SHLD1: variants seen among roughly 807,000 people sequenced by gnomAD.
The protein encoded by SHLD1 is RINN1-REV7-interacting novel NHEJ regulator 3.
In SHLD1, 3 loss-of-function variants were observed where a neutral mutation model predicts 5.5. The observed-to-expected ratio is 0.54, with a 90% confidence interval of 0.25 to 1.40. The LOEUF (loss-of-function observed/expected upper bound fraction) is 1.40. Ranked by LOEUF, SHLD1 falls within the 40% of genes most tolerant of loss-of-function variation. The pLI is 0.15. For missense variants in SHLD1, 210 were observed against 244.4 expected (o/e 0.86, Z 0.94); for synonymous variants, 92 against 94.3 (o/e 0.98, Z 0.14).
At chr20:5,765,745 TA>T (rs1304312514) in intron 1 of SHLD1, among the ~76,000 whole-genome samples, 1 of 147,306 alleles carries the variant, frequency 6.8e-6, no homozygotes, top group African/African-American at 2.5e-5. Context: ...GAGTCCCAAA[TA>T]ATGTATTTTA....
intron 2 of SHLD1, among the ~76,000 whole-genome samples, chr20:5,797,634 A>C (rs1241519068): frequency 6.6e-6 from 1 of 152,230 alleles, no homozygotes; most frequent in Non-Finnish European, 1.5e-5. Context: ...CTACTTACTT[A>C]CTAGACACAG....
chr20:5,756,521 T>C (rs1207110240), intron 1 of SHLD1, among the ~76,000 whole-genome samples: 1 of 152,124 alleles, frequency 6.6e-6, no homozygotes, highest in Non-Finnish European at 1.5e-5. Flanking sequence ...TCTATGCCAT[T>C]GTAAATGGAA....
At chr20:5,828,015 C>T (rs940456525) in intron 2 of SHLD1, among the ~76,000 whole-genome samples, 2 of 152,164 alleles carry the variant, frequency 1.3e-5, no homozygotes, top group African/African-American at 4.8e-5. Context: ...TGCAAAGATA[C>T]GATGAATATC....
intron 2 of SHLD1, among the ~76,000 whole-genome samples, chr20:5,782,852 T>TA (rs1036811031): frequency 8.6e-4 from 131 of 152,322 alleles, no homozygotes; most frequent in African/African-American, 2.8e-3. Context: ...AGCTCTTAGA[T>TA]AAAAAAACTC....
At chr20:5,836,085 A>G (rs2087785827) in intron 2 of SHLD1, among the ~76,000 whole-genome samples, 1 of 151,428 alleles carries the variant, frequency 6.6e-6, no homozygotes, top group South Asian at 2.1e-4. Flanking sequence ...CGTTGCCTTG[A>G]CAACTGGTTG....
intron 2 of SHLD1, among the ~76,000 whole-genome samples, chr20:5,818,069 CTTTTT>C (rs1205751534): frequency 6.6e-6 from 1 of 151,712 alleles, no homozygotes; most frequent in Non-Finnish European, 1.5e-5. Context: ...TCCTTTTTTT[CTTTTT>C]CTTTCTTTTT....
intron 2 of SHLD1, among the ~76,000 whole-genome samples, chr20:5,826,694 T>G (rs1225059146): frequency 6.6e-6 from 1 of 152,174 alleles, no homozygotes. Flanking sequence ...TGGGTTTGAA[T>G]CTGAACTTCA....
intron 1 of SHLD1, among the ~76,000 whole-genome samples, chr20:5,758,508 C>A (rs908966825): frequency 7.9e-5 from 12 of 151,334 alleles, no homozygotes; most frequent in Admixed American, 7.9e-4. Flanking sequence ...AACCTCCACC[C>A]CCTGAGTTCA....
At chr20:5,755,816 C>A (rs1256583291) in intron 1 of SHLD1, among the ~76,000 whole-genome samples, 1 of 152,184 alleles carries the variant, frequency 6.6e-6, no homozygotes, top group Non-Finnish European at 1.5e-5. Context: ...ACCTCGGCTT[C>A]CTGGAGTGCT....
At chr20:5,830,432 C>T (rs2087714624) in intron 2 of SHLD1, among the ~76,000 whole-genome samples, 1 of 152,168 alleles carries the variant, frequency 6.6e-6, no homozygotes, top group Admixed American at 6.5e-5. Context: ...GTACTCCCAG[C>T]ACTTTGGGAG....
At chr20:5,787,069 T>C (rs2087069779) in intron 2 of SHLD1, among the ~76,000 whole-genome samples, 1 of 152,260 alleles carries the variant, frequency 6.6e-6, no homozygotes, top group Non-Finnish European at 1.5e-5. Flanking sequence ...GTTTGCATTC[T>C]GAAGGCTTCA....
intron 2 of SHLD1, among the ~76,000 whole-genome samples, chr20:5,860,163 A>T (rs2088142371): frequency 6.6e-6 from 1 of 151,928 alleles, no homozygotes; most frequent in Non-Finnish European, 1.5e-5. Context: ...GAAGGTAGGA[A>T]GGGACCCTTC....
intron 2 of SHLD1, among the ~76,000 whole-genome samples, chr20:5,851,997 G>A (rs1256877147): frequency 2.6e-5 from 4 of 151,870 alleles, no homozygotes; most frequent in Non-Finnish European, 4.4e-5. Flanking sequence ...GAAGAGTGTA[G>A]CGTCTCACAC....
chr20:5,792,867 G>T (rs546384183), intron 2 of SHLD1, among the ~76,000 whole-genome samples: 2 of 151,612 alleles, frequency 1.3e-5, no homozygotes, highest in Non-Finnish European at 2.9e-5. Context: ...TAGAGACGGG[G>T]TTTCATCATG....
chr20:5,817,394 T>TTCTCTCTCTCTCTCTCTCTC (rs144955343), intron 2 of SHLD1, among the ~76,000 whole-genome samples: 21 of 75,866 alleles, frequency 2.8e-4, no homozygotes, highest in South Asian at 7.9e-4. Context: ...ACGGGATATT[T>TTCTCTCTCTCTCTCTCTCTC]TCTCTCTCTC....
At position 5,851,651 on chromosome 20, in the gene SHLD1, AAT is replaced by A. The variant is rs1027531718; in HGVS notation, c.179-11370_179-11369del. On this transcript the variant is annotated intron_variant, in intron 2 of 2. Transcript: ENST00000303142. ...AAAAACCTAAACTATTAATTTTAATAATATGTTTTATCTAACTCAATATATCC... is the reference window on the plus strand; with the variant it reads ...AAAAACCTAAACTATTAATTTTAATAATGTTTTATCTAACTCAATATATCC... Among the ~76,000 whole-genome samples, 267 of 152,106 alleles carry A rather than the reference AAT, an allele frequency of 1.8e-3. 3 individuals carry two copies. Among genetic ancestry groups the A allele is most frequent in the African/African-American group, 6.1e-3 (253 of 41,550 alleles).
At chr20:5,844,083 C>T (rs55968616) in intron 2 of SHLD1, among the ~76,000 whole-genome samples, 4,620 of 152,208 alleles carry the variant, frequency 0.03, 191 homozygotes, top group East Asian at 0.13. Context: ...AGAGAAGGCT[C>T]AAAGCTTTGC....
intron 2 of SHLD1, among the ~76,000 whole-genome samples, chr20:5,845,513 A>T (rs1462547584): frequency 1.3e-5 from 2 of 152,252 alleles, no homozygotes; most frequent in Non-Finnish European, 2.9e-5. Context: ...AAAGGCCAGA[A>T]CTTAAGTCTA....
intron 1 of SHLD1, among the ~76,000 whole-genome samples, chr20:5,761,125 A>T (rs907671657): frequency 2.6e-5 from 4 of 152,094 alleles, no homozygotes; most frequent in Non-Finnish European, 4.4e-5. Flanking sequence ...ATGAAGCTGG[A>T]AGCCATCATT....
Sources: allele counts gnomAD v4.1 joint callset (sites outside exome capture counted in the v4.1 genomes callset), GRCh38; gene constraint gnomAD v4.1.1; transcripts MANE v1.5; gene names NCBI Gene and HGNC (gene_info 2026-07-23, HGNC 2026-07-21).